The following FAM111B variants were observed in gnomAD, a reference collection of about 807,000 sequenced individuals.
FAM111B encodes the protein serine protease FAM111B.
FAM111B carries 1 observed loss-of-function variant against 2.8 expected under a neutral mutation model. The observed-to-expected ratio is 0.36, with a 90% CI of 0.13 to 1.70. The LOEUF (loss-of-function observed/expected upper bound fraction) is 1.70. FAM111B is among the 40% of genes most tolerant of loss of function. FAM111B has a pLI of 0.35. For missense variants in FAM111B, 882 were observed against 878.9 expected, an observed-to-expected ratio of 1.00 and a Z score of -0.04; for synonymous variants, 297 against 295.6, an observed-to-expected ratio of 1.00 and a Z score of -0.05.
In FAM111B at chr11:59,116,846, C is replaced by A. The variant is rs531655352; in HGVS notation, c.81+7140C>A. 1.5e-4 allele frequency among the ~76,000 whole-genome samples: 23 copies of A among 152,358 alleles called. No individual in the cohort carries two copies. The South Asian group carries it at 4.8e-3, about 32-fold the overall frequency. ...CAGAATGGTGGCAAGAACTCAGACC[C>A]AGACTGGGACTGTCAGGCAGGTGGA... On this transcript the variant is annotated intron_variant, in intron 3 of 3. Coordinates refer to ENST00000343597, the MANE Select transcript of FAM111B (RefSeq NM_198947.4).
At position 59,117,871 on chromosome 11, in the gene FAM111B, C is replaced by T. The variant is rs185555408; in HGVS notation, c.82-6308C>T. Among the ~76,000 whole-genome samples the T allele has an allele frequency of 1.3e-4, 20 of 152,282 alleles. No individual in the cohort carries two copies. In the East Asian group the frequency reaches 2.5e-3, roughly 19 times the overall value. On this transcript the variant is annotated intron_variant, in intron 3 of 3. Coordinates refer to ENST00000343597, the MANE Select transcript of FAM111B (RefSeq NM_198947.4). Reference sequence around the variant, plus strand: ...TAAAGAAAAACTTAGTAAAAACATACAAACAAAGCAGCAAAAGAAAGAAGC... The same window carrying T: ...TAAAGAAAAACTTAGTAAAAACATATAAACAAAGCAGCAAAAGAAAGAAGC...
At chr11:59,115,723 T>C (rs531085011) in intron 3 of FAM111B, among the ~76,000 whole-genome samples, 15 of 152,278 alleles carry the variant, frequency 9.9e-5, no homozygotes, top group African/African-American at 3.4e-4. Context: ...CATCACATGA[T>C]CAAAAAATGG....
In FAM111B at chr11:59,125,986, T is replaced by C. The variant is rs1860024213; in HGVS notation, c.1889T>C (p.Leu630Pro). Reference sequence around the variant, plus strand: ...TGTATGTTTACCCAAAGAAGTTTCCTATCAGAGGTTTGGAACACACACACG... The same window carrying C: ...TGTATGTTTACCCAAAGAAGTTTCCCATCAGAGGTTTGGAACACACACACG... Reference protein sequence around the residue: ...VYCMFTQRSFLSEVWNTHTLS... With the variant: ...VYCMFTQRSFPSEVWNTHTLS... The change falls in exon 4 of 4, where the codon CTA becomes CCA. Residue 630 changes from leucine to proline, a missense_variant. Transcript: ENST00000343597. 5 of 1,613,944 alleles carry C rather than the reference T, an allele frequency of 3.1e-6. No homozygotes were observed. Among genetic ancestry groups the C allele is most frequent in the Admixed American group, 1.7e-5 (1 of 59,996 alleles).
intron 3 of FAM111B, among the ~76,000 whole-genome samples, chr11:59,119,530 G>A (rs1357155953): frequency 6.6e-6 from 1 of 152,142 alleles, no homozygotes; most frequent in Non-Finnish European, 1.5e-5. Flanking sequence ...CAAAGTAGAA[G>A]CTCAGGATGC....
At chr11:59,114,890 G>C (rs1365347063) in intron 3 of FAM111B, among the ~76,000 whole-genome samples, 3 of 152,164 alleles carry the variant, frequency 2.0e-5, no homozygotes, top group Non-Finnish European at 2.9e-5. Flanking sequence ...TTTTGGAAGT[G>C]ATGATAATTG....
In FAM111B at chr11:59,126,381, C is replaced by A; in HGVS notation, c.*79C>A. 1 of 1,230,422 alleles carries A rather than the reference C, an allele frequency of 8.1e-7. No individual in the cohort carries two copies. Among genetic ancestry groups the A allele is most frequent in the Non-Finnish European group, 1.1e-6 (1 of 904,602 alleles). 76.2% of individuals were successfully genotyped at this position (1,230,422 alleles called of 1,614,324 possible). On this transcript the variant is annotated 3_prime_UTR_variant, in exon 4 of 4. Coordinates refer to ENST00000343597, the MANE Select transcript of FAM111B (RefSeq NM_198947.4). ...ATGACAAAGACACTTAAAGCAATTG[C>A]AACAAAAGTGAAAATTGGCAAATGA...
At position 59,126,405 on chromosome 11, in the gene FAM111B, G is replaced by A. The variant is rs1191804343; in HGVS notation, c.*103G>A. ...GCAACAAAAGTGAAAATTGGCAAAT[G>A]AGACCTAATTAAATCTTCTGCACAG... On this transcript the variant is annotated 3_prime_UTR_variant, in exon 4 of 4. Transcript: ENST00000343597. 2 of 908,718 alleles carry A rather than the reference G, an allele frequency of 2.2e-6. No homozygotes were observed. Among genetic ancestry groups the A allele is most frequent in the Non-Finnish European group, 3.2e-6 (2 of 621,196 alleles). The allele number at this position is 908,718 out of a possible 1,614,324, so 56.3% of individuals were successfully genotyped here. A position where few individuals can be genotyped will look rare whatever the true frequency, so the allele number is the denominator to read the frequency against.
intron 3 of FAM111B, among the ~76,000 whole-genome samples, chr11:59,121,185 GA>G (rs1859916225): frequency 6.6e-6 from 1 of 150,794 alleles, no homozygotes; most frequent in South Asian, 2.1e-4. Context: ...GAAAAATCAA[GA>G]AGAAATTCAG....
At chr11:59,110,076 TATC>T (rs1859735463) in intron 3 of FAM111B, 1 of 153,846 alleles carries the variant, frequency 6.5e-6, no homozygotes, top group South Asian at 2.1e-4. Context: ...TAGGTATTAT[TATC>T]ATACTTATTT....
Position 59,124,516 on chromosome 11 carries a change from A to G in FAM111B, c.419A>G (p.His140Arg), listed in dbSNP as rs759992548. ...TATGAAGAAAAGACAATAGATGGAC[A>G]TATAAATTTAGGAATGCCTCTCAAG... ...IVYEEKTIDG[H>R]INLGMPLKCL... The change falls in exon 4 of 4, where the codon CAT becomes CGT. Residue 140 changes from histidine (H) to arginine (R), a missense_variant. Physicochemically the swap from His to Arg is conservative, Grantham distance 29 (BLOSUM62 0). Coordinates refer to ENST00000343597, the MANE Select transcript of FAM111B (RefSeq NM_198947.4). 6 of 1,613,436 alleles carry G rather than the reference A, an allele frequency of 3.7e-6. No homozygotes were observed. Among genetic ancestry groups the G allele is most frequent in the South Asian group, 3.3e-5 (3 of 90,976 alleles).
Position 59,127,154 on chromosome 11 carries a change from CAT to C in FAM111B, c.*853_*854del, listed in dbSNP as rs1860052146. ...TGCAGGAACAGAAAGCCAAGTACCA[CAT>C]GTTCTCTCATAAGTGGAAGCTAAAT... On this transcript the variant is annotated 3_prime_UTR_variant, in exon 4 of 4. Transcript: ENST00000343597. 1 of 152,114 alleles carries C rather than the reference CAT, an allele frequency of 6.6e-6. No individual in the cohort carries two copies. Among genetic ancestry groups the C allele is most frequent in the African/African-American group, 2.4e-5 (1 of 41,416 alleles). The allele number at this position is 152,114 out of a possible 1,614,324, so 9.4% of individuals were successfully genotyped here.
At position 59,124,592 on chromosome 11, in the gene FAM111B, T is replaced by C. The variant is rs751147623; in HGVS notation, c.495T>C (p.Ser165=). ...AAATTACATTTGGTCAAAGAAAGAGTAGCAAAGAAGATGGACACATATTAC... is the reference window on the plus strand; with the variant it reads ...AAATTACATTTGGTCAAAGAAAGAGCAGCAAAGAAGATGGACACATATTAC... ...HFKITFGQRK[S]SKEDGHILRQ... is the part of the protein sequence containing the mutation. The change falls in exon 4 of 4, where the codon AGT becomes AGC. Residue 165 remains serine, a synonymous_variant. Transcript: ENST00000343597. 2 of 1,613,542 alleles carry C rather than the reference T, an allele frequency of 1.2e-6. No homozygotes were observed. The highest frequency in any genetic ancestry group is 2.7e-5 in the African/African-American group (2 of 74,856).
chr11:59,125,912 T>C lies in FAM111B; in HGVS notation c.1815T>C (p.Asp605=), dbSNP rs1419192494. The C allele has an allele frequency of 1.9e-6, 3 of 1,613,828 alleles. No individual in the cohort carries two copies. The highest frequency in any genetic ancestry group is 1.7e-4 in the Middle Eastern group (1 of 6,056). ...LNERLKKYPN[D]CQDGLVDLYD... ...AACGATTGAAAAAATATCCAAACGA[T>C]TGTCAAGATGGGTTGGTAGATCTCT... Residue 605 remains aspartate (D), a synonymous_variant, in exon 4 of 4, where the codon GAT becomes GAC. Transcript: ENST00000343597.
Position 59,126,817 on chromosome 11 carries a change from G to A in FAM111B, c.*515G>A, listed in dbSNP as rs1860045249. ...GGGAAAATAAATTAGTTCAGCCATT[G>A]TGGAAAGCAGTTGGGTGATTTCTAA... On this transcript the variant is annotated 3_prime_UTR_variant, in exon 4 of 4. Coordinates refer to ENST00000343597, the MANE Select transcript of FAM111B (RefSeq NM_198947.4). 1 of 159,690 alleles carries A rather than the reference G, an allele frequency of 6.3e-6. No homozygotes were observed. The highest frequency in any genetic ancestry group is 2.4e-5 in the African/African-American group (1 of 41,544). The allele number at this position is 159,690 out of a possible 1,614,324, so 9.9% of individuals were successfully genotyped here.
rs749391696 is a variant in FAM111B at position 59,124,818 on chromosome 11, A to C, written c.721A>C (p.Lys241Gln). The C allele has an allele frequency of 2.2e-5, 35 of 1,613,834 alleles. No homozygotes were observed. In the South Asian group the frequency reaches 2.6e-4, roughly 12 times the overall value. ...FRSDIGEFEW[K>Q]LKEGHKKIYG... ...GTCTGACATAGGTGAATTTGAATGGAAACTAAAGGAAGGTCATAAGAAAAT... is the reference window on the plus strand; with the variant it reads ...GTCTGACATAGGTGAATTTGAATGGCAACTAAAGGAAGGTCATAAGAAAAT... Residue 241 changes from lysine to glutamine, a missense_variant, in exon 4 of 4, where the codon AAA becomes CAA. Coordinates refer to ENST00000343597, the MANE Select transcript of FAM111B (RefSeq NM_198947.4).
At chr11:59,109,852 A>G (rs1288499402) in intron 3 of FAM111B, 146 bp downstream of exon 3, 5 of 448,210 alleles carry the variant, frequency 1.1e-5, no homozygotes, top group African/African-American at 2.0e-5. Context: ...GCTCATACAC[A>G]TAAGTGCTTG....
intron 3 of FAM111B, among the ~76,000 whole-genome samples, chr11:59,119,170 TG>T (rs1010951955): frequency 6.6e-6 from 1 of 152,220 alleles, no homozygotes; most frequent in Non-Finnish European, 1.5e-5. Context: ...CACATGCATG[TG>T]CGGATCACTA....
chr11:59,112,379 G>A (rs548512576), intron 3 of FAM111B, among the ~76,000 whole-genome samples: 1 of 152,172 alleles, frequency 6.6e-6, no homozygotes, highest in Non-Finnish European at 1.5e-5. Context: ...CTGTGTGAAT[G>A]TATCAAAATC....
chr11:59,109,856 G>A, intron 3 of FAM111B, 150 bp downstream of exon 3: 5 of 435,872 alleles, frequency 1.1e-5, no homozygotes, highest in Non-Finnish European at 1.6e-5. Flanking sequence ...ATACACATAA[G>A]TGCTTGTGGA....
Sources: gnomAD v4.1 joint callset for allele counts (sites outside exome capture counted in the v4.1 genomes callset) on GRCh38, gnomAD v4.1.1 for gene constraint, MANE v1.5 for transcripts, NCBI Gene and HGNC (gene_info 2026-07-23, HGNC 2026-07-21) for gene names.